DZIP1: variants seen among roughly 807,000 people sequenced by gnomAD.
DZIP1 encodes the protein cilium assembly protein DZIP1.
DZIP1 carries 97 observed loss-of-function variants against 107.6 expected under a neutral mutation model. The observed-to-expected ratio is 0.90, with a 90% CI of 0.77 to 1.07. The LOEUF (loss-of-function observed/expected upper bound fraction) is 1.07, where lower values mean the gene tolerates loss of function less well. Among genes scored for constraint, DZIP1 ranks in the 50% least tolerant of loss-of-function variants. The pLI is 0.00. For synonymous variants in DZIP1, 390 were observed against 386.4 expected, an observed-to-expected ratio of 1.01 and a Z score of -0.11; for missense variants, 1,035 against 1,063.6, an observed-to-expected ratio of 0.97 and a Z score of 0.37.
In DZIP1 at chr13:95,632,814, G is replaced by A. The variant is rs530657411; in HGVS notation, c.685+420C>T. 9.2e-5 allele frequency among the ~76,000 whole-genome samples: 14 copies of A among 151,982 alleles called. No individual in the cohort carries two copies. In the South Asian group the frequency reaches 1.2e-3, roughly 14 times the overall value. On this transcript the variant is annotated intron_variant, in intron 6 of 22. Coordinates refer to ENST00000376829, the MANE Select transcript of DZIP1 (RefSeq NM_198968.4). ...AACACATCATCCCAGCACACCTCAC[G>A]TCCCTTACAGTCAGTGTTCCTTGGC...
intron 16 of DZIP1, among the ~76,000 whole-genome samples, chr13:95,591,504 GC>G (rs1238937831): frequency 6.6e-6 from 1 of 152,020 alleles, no homozygotes; most frequent in Non-Finnish European, 1.5e-5. Context: ...GCTTCCCTCA[GC>G]CTTCCCAGTC....
intron 16 of DZIP1, among the ~76,000 whole-genome samples, chr13:95,592,101 A>G (rs552567565): frequency 2.0e-5 from 3 of 152,312 alleles, no homozygotes; most frequent in East Asian, 3.9e-4. Flanking sequence ...TGGAGAAACT[A>G]TGGATTATTC....
chr13:95,608,677 T>A (rs1167703601), intron 13 of DZIP1, among the ~76,000 whole-genome samples: 2 of 152,196 alleles, frequency 1.3e-5, no homozygotes, highest in African/African-American at 4.8e-5. Flanking sequence ...CTTCTTCAGC[T>A]TCAAGAAGCC....
Position 95,611,502 on chromosome 13 carries a change from A to T in DZIP1, c.1315-9T>A. The T allele has an allele frequency of 6.2e-7, 1 of 1,604,258 alleles. No homozygotes were observed. The highest frequency in any genetic ancestry group is 2.2e-5 in the East Asian group (1 of 44,834). The stretch of plus-strand genomic sequence containing the variant: ...CAGGTAAAGTCTTTAATCTGCAAAG[A>T]AATACAGTCTTCTAGTGATACATTT... On this transcript the variant is annotated splice_polypyrimidine_tract_variant and intron_variant, in intron 11 of 22. Coordinates refer to ENST00000376829, the MANE Select transcript of DZIP1 (RefSeq NM_198968.4).
intron 5 of DZIP1, among the ~76,000 whole-genome samples, chr13:95,639,041 A>G (rs1878173519): frequency 6.6e-6 from 1 of 152,332 alleles, no homozygotes; most frequent in South Asian, 2.1e-4. Flanking sequence ...CCTCATTCCC[A>G]GGTATTAGCT....
intron 9 of DZIP1, 94 bp from the exon 10 acceptor site, chr13:95,620,041 CAACT>C: frequency 7.5e-7 from 1 of 1,335,176 alleles, no homozygotes; most frequent in Non-Finnish European, 1.0e-6. Context: ...CTATGAAACC[CAACT>C]ATCTATCTGG....
chr13:95,632,531 C>G (rs1248118608), intron 6 of DZIP1, among the ~76,000 whole-genome samples: 1 of 152,192 alleles, frequency 6.6e-6, no homozygotes, highest in Non-Finnish European at 1.5e-5. Context: ...CCTCCCCTCA[C>G]TCATCCACTG....
At chr13:95,591,254 C>G (rs952988574) in intron 16 of DZIP1, among the ~76,000 whole-genome samples, 1 of 152,034 alleles carries the variant, frequency 6.6e-6, no homozygotes, top group African/African-American at 2.4e-5. Context: ...GTCTCGAACT[C>G]CTGACCTCGT....
chr13:95,626,576 A>T (rs1327200022), intron 7 of DZIP1, among the ~76,000 whole-genome samples: 1 of 152,222 alleles, frequency 6.6e-6, no homozygotes, highest in Non-Finnish European at 1.5e-5. Flanking sequence ...GAAAAGTCCC[A>T]GACCAGATGG....
chr13:95,613,511 C>CA (rs11356166), intron 10 of DZIP1, among the ~76,000 whole-genome samples: 1,542 of 140,356 alleles, frequency 0.011, 26 homozygotes, highest in African/African-American at 0.038. Flanking sequence ...GATTCCGTCT[C>CA]AAAAAAAAAA....
At chr13:95,623,920 CAG>C (rs1490211461) in intron 8 of DZIP1, among the ~76,000 whole-genome samples, 1 of 152,108 alleles carries the variant, frequency 6.6e-6, no homozygotes, top group Non-Finnish European at 1.5e-5. Flanking sequence ...GACTGGGCAA[CAG>C]AGAGAGACTC....
chr13:95,590,235 A>G, intron 17 of DZIP1, 44 bp downstream of exon 17: 3 of 1,498,220 alleles, frequency 2.0e-6, no homozygotes, highest in Non-Finnish European at 2.7e-6. Flanking sequence ...AAAAAGAAAA[A>G]GTTGTTAAAT....
chr13:95,613,248 C>T (rs151105091), intron 10 of DZIP1, among the ~76,000 whole-genome samples: 29 of 152,120 alleles, frequency 1.9e-4, no homozygotes. Flanking sequence ...TGTGGTGGCT[C>T]GTGCATGTAA....
intron 6 of DZIP1, chr13:95,630,739 G>A (rs1241294754): frequency 5.5e-6 from 7 of 1,277,882 alleles, no homozygotes; most frequent in South Asian, 2.6e-5. Flanking sequence ...TGACTGAATG[G>A]ATGTACATGT....
rs1389807936 is a variant in DZIP1 at position 95,625,310 on chromosome 13, A to C, written c.811-381T>G. Among the ~76,000 whole-genome samples the C allele has an allele frequency of 2.0e-5, 3 of 152,236 alleles. No individual in the cohort carries two copies. In the East Asian group the frequency reaches 5.8e-4, roughly 29 times the overall value. ...ATAACAATTTGGATAGTGTAACTTCATCCCACCCCCAGAAAATACAAATTC... is the reference window on the plus strand; with the variant it reads ...ATAACAATTTGGATAGTGTAACTTCCTCCCACCCCCAGAAAATACAAATTC... On this transcript the variant is annotated intron_variant, in intron 7 of 22. Transcript: ENST00000376829.
chr13:95,644,158 A>G (rs973790711), intron 1 of DZIP1, among the ~76,000 whole-genome samples: 2 of 152,194 alleles, frequency 1.3e-5, no homozygotes, highest in Non-Finnish European at 2.9e-5. Flanking sequence ...CGGGCAGCCG[A>G]ACCAGCAGAC....
rs1342675718 is a variant in DZIP1 at position 95,641,717 on chromosome 13, G to T, written c.175C>A (p.Gln59Lys). The T allele has an allele frequency of 6.2e-7, 1 of 1,600,338 alleles. No homozygotes were observed. The change falls in exon 5 of 23, where the codon CAG becomes AAG. Residue 59 changes from glutamine (Q) to lysine (K), a missense_variant. Coordinates refer to ENST00000376829, the MANE Select transcript of DZIP1 (RefSeq NM_198968.4). The surrounding 1 kb of genome is among the most constrained non-coding windows in gnomAD (Gnocchi z 4.3). Reference protein sequence around the residue: ...SAASGPLPFFQFRPRLESVDW... With the variant: ...SAASGPLPFFKFRPRLESVDW... ...ACACTCTCCAGCCGCGGCCTGAACT[G>T]GAAGAAGGGCAGGGGCCCCGAAGCC... is the stretch of plus-strand genomic sequence containing the variant.
chr13:95,618,751 C>T (rs972184937), intron 10 of DZIP1, among the ~76,000 whole-genome samples: 2 of 151,982 alleles, frequency 1.3e-5, no homozygotes, highest in African/African-American at 2.4e-5. Context: ...GATCTTTTGT[C>T]GTTTAATATT....
At chr13:95,618,100 A>G (rs990074663) in intron 10 of DZIP1, 1 of 510,246 alleles carries the variant, frequency 2.0e-6, no homozygotes, top group South Asian at 1.4e-5. Flanking sequence ...AGATGTAAAC[A>G]TGGGCATGAT....
Sources: allele counts gnomAD v4.1 joint callset (sites outside exome capture counted in the v4.1 genomes callset), GRCh38; gene constraint gnomAD v4.1.1; non-coding constraint Gnocchi (gnomAD v3.1); transcripts MANE v1.5; gene names NCBI Gene and HGNC (gene_info 2026-07-23, HGNC 2026-07-21).